The following CSDE1 variants were observed in gnomAD, a reference collection of about 807,000 sequenced individuals.
CSDE1 encodes the protein cold shock domain containing E1, also known as cold shock domain-containing protein E1.
Under a neutral mutation model 89.3 loss-of-function variants are expected in CSDE1, and 17 were observed. The observed-to-expected ratio is 0.19, with a 90% CI of 0.13 to 0.29. The LOEUF (loss-of-function observed/expected upper bound fraction) is 0.29, where lower values mean the gene tolerates loss of function less well. Among genes scored for constraint, CSDE1 ranks in the 10% least tolerant of loss-of-function variants. The probability of loss-of-function intolerance (pLI) is 1.00; values close to 1 mark genes in which losing one functional copy is unlikely to be tolerated. For synonymous variants in CSDE1, 322 were observed against 332.8 expected, an observed-to-expected ratio of 0.97 and a Z score of 0.35; for missense variants, 672 against 984.2, an observed-to-expected ratio of 0.68 and a Z score of 4.24.
At chr1:114,738,514 C>G (rs1425730270) in intron 3 of CSDE1, among the ~76,000 whole-genome samples, 1 of 152,026 alleles carries the variant, frequency 6.6e-6, no homozygotes, top group Non-Finnish European at 1.5e-5. Context: ...CCTAACAGGA[C>G]TGCCATGAGG....
intron 13 of CSDE1, 121 bp downstream of exon 13, chr1:114,726,862 T>C (rs1219245183): frequency 4.8e-6 from 3 of 621,254 alleles, no homozygotes; most frequent in Non-Finnish European, 8.4e-6. Flanking sequence ...ATTCATGTAT[T>C]TCTCTTAAAC....
chr1:114,750,832 C>G (rs1421501316), intron 1 of CSDE1, among the ~76,000 whole-genome samples: 1 of 152,208 alleles, frequency 6.6e-6, no homozygotes, highest in Non-Finnish European at 1.5e-5. Flanking sequence ...GCACATAAGT[C>G]AAGCGAGAAT....
chr1:114,747,879 C>G (rs1167204195), intron 2 of CSDE1, among the ~76,000 whole-genome samples: 1 of 151,780 alleles, frequency 6.6e-6, no homozygotes, highest in Non-Finnish European at 1.5e-5. Context: ...AAAAAAAAAT[C>G]TAATCTTTTA....
chr1:114,727,274 A>G (rs1659848017), intron 12 of CSDE1, among the ~76,000 whole-genome samples, 184 bp from the exon 13 acceptor site: 1 of 152,216 alleles, frequency 6.6e-6, no homozygotes, highest in South Asian at 2.1e-4. Context: ...AGCCTAGCTC[A>G]GTCTGCTGTA....
intron 1 of CSDE1, among the ~76,000 whole-genome samples, chr1:114,756,569 T>A (rs1661609821): frequency 6.6e-6 from 1 of 152,200 alleles, no homozygotes; most frequent in South Asian, 2.1e-4. Flanking sequence ...GGGCTATAAT[T>A]TGAAACCTAC....
chr1:114,724,205 C>T (rs1009122295), intron 15 of CSDE1: 2 of 373,890 alleles, frequency 5.3e-6, no homozygotes, highest in African/African-American at 4.2e-5. Context: ...AAAATGCCTG[C>T]TTTTCCTAAA....
At chr1:114,733,647 AATAAG>A in intron 9 of CSDE1, 80 bp downstream of exon 9, 1 of 1,247,650 alleles carries the variant, frequency 8.0e-7, no homozygotes, top group Non-Finnish European at 1.1e-6. Context: ...ATATTAACTG[AATAAG>A]ATAAAATCTC....
chr1:114,740,179 A>G (rs916070548), intron 2 of CSDE1, among the ~76,000 whole-genome samples: 3 of 152,172 alleles, frequency 2.0e-5, no homozygotes, highest in Non-Finnish European at 4.4e-5. Flanking sequence ...ACATTAGCAA[A>G]TGCTGCCTTT....
rs749198304 is a variant in CSDE1 at position 114,734,003 on chromosome 1, T to C, written c.697A>G (p.Ile233Val). The change falls in exon 8 of 20, where the codon ATC becomes GTC. Residue 233 changes from isoleucine to valine, a missense_variant. By Grantham distance (29) the Ile-to-Val change is conservative. Around this residue, in one of 8 missense-constraint regions of CSDE1, gnomAD observed 169 missense variants for 262.9 expected, o/e 0.64. Transcript: ENST00000358528. ...GACTGTCTTACATTTCTGTCCTTGA[T>C]TGTGAATTCCACATCATCGCCAGGC... ...LQPGDDVEFT[I>V]KDRNGKEVAT... 3.8e-5 allele frequency: 61 copies of C among 1,612,804 alleles called. No homozygotes were observed. The highest frequency in any genetic ancestry group is 2.6e-5 in the Non-Finnish European group (31 of 1,179,790).
At chr1:114,719,776 A>G (rs201090294) in intron 17 of CSDE1, 34 bp from the exon 18 acceptor site, 305 of 1,591,470 alleles carry the variant, frequency 1.9e-4, no homozygotes, top group Non-Finnish European at 2.1e-4. Flanking sequence ...AAGAGAGGGC[A>G]TGCCACACCT....
At chr1:114,752,013 C>T (rs1661335097) in intron 1 of CSDE1, among the ~76,000 whole-genome samples, 1 of 152,164 alleles carries the variant, frequency 6.6e-6, no homozygotes, top group African/African-American at 2.4e-5. Flanking sequence ...GCCTGTAATC[C>T]CAGCACTTTG....
At chr1:114,745,643 C>A (rs1202270563) in intron 2 of CSDE1, among the ~76,000 whole-genome samples, 1 of 152,212 alleles carries the variant, frequency 6.6e-6, no homozygotes, top group Non-Finnish European at 1.5e-5. Context: ...TTAGGTTCTA[C>A]TCATATAGTA....
Position 114,730,516 on chromosome 1 carries a change from C to T in CSDE1, c.1183G>A (p.Val395Met). 1 of 1,614,106 alleles carries T rather than the reference C, an allele frequency of 6.2e-7. No homozygotes were observed. Among genetic ancestry groups the T allele is most frequent in the Non-Finnish European group, 8.5e-7 (1 of 1,180,008 alleles). ...TCTCAGAAACAACTCACAGGAACCA[C>T]AGTAAACTCTACTTCATCTGCAATA... ...LHIADEVEFT[V>M]VPDMLSAQRN... The change falls in exon 11 of 20, where the codon GTG becomes ATG. Residue 395 changes from valine to methionine, a missense_variant. By Grantham distance (21) the Val-to-Met change is conservative. This residue lies in a region of CSDE1 where 169 missense variants were observed against 262.9 expected (regional missense o/e 0.64). Coordinates refer to ENST00000358528, the MANE Select transcript of CSDE1 (RefSeq NM_001007553.3).
chr1:114,717,349 C>G lies in CSDE1; in HGVS notation c.*820G>C, dbSNP rs1312138090. On this transcript the variant is annotated 3_prime_UTR_variant, in exon 20 of 20. Transcript: ENST00000358528. ...TTGTTTTTAAATCAGTAAAAGAAAC[C>G]GGGTCCTAGAAGCTGCAGTGATCTA... 2 of 152,314 alleles carry G rather than the reference C, an allele frequency of 1.3e-5. No homozygotes were observed. The highest frequency in any genetic ancestry group is 2.9e-5 in the Non-Finnish European group (2 of 67,996). 9.4% of individuals were successfully genotyped at this position (152,314 alleles called of 1,614,324 possible). A position where few individuals can be genotyped will look rare whatever the true frequency, so the allele number is the denominator to read the frequency against.
At chr1:114,757,872 G>C (rs555435569) in intron 1 of CSDE1, 53 bp downstream of exon 1, 1 of 152,824 alleles carries the variant, frequency 6.5e-6, no homozygotes, top group East Asian at 1.9e-4. Flanking sequence ...CTTATTCTCA[G>C]CCCTTCCCCT....
At position 114,718,755 on chromosome 1, in the gene CSDE1, A is replaced by C. The variant is rs1230367943; in HGVS notation, c.2217-10T>G. On this transcript the variant is annotated splice_polypyrimidine_tract_variant and intron_variant, in intron 18 of 19. Transcript: ENST00000358528. ...AGCCTTGGGGCCCTCACTGTAATTAAGTCAAAAGATGAGAAGAAACCACAC... is the reference window on the plus strand; with the variant it reads ...AGCCTTGGGGCCCTCACTGTAATTACGTCAAAAGATGAGAAGAAACCACAC... 5 of 1,612,980 alleles carry C rather than the reference A, an allele frequency of 3.1e-6. No individual in the cohort carries two copies. Among genetic ancestry groups the C allele is most frequent in the Admixed American group, 3.3e-5 (2 of 59,710 alleles).
intron 5 of CSDE1, 98 bp from the exon 6 acceptor site, chr1:114,736,953 A>G: frequency 1.2e-6 from 1 of 858,418 alleles, no homozygotes; most frequent in Non-Finnish European, 1.8e-6. Context: ...TGGCATTTTA[A>G]GCCAAATTTC....
At position 114,730,415 on chromosome 1, in the gene CSDE1, A is replaced by G. The variant is rs900470766; in HGVS notation, c.1199T>C (p.Leu400Pro). ...AATAGCATGATTTCTTTGAGCAGAG[A>G]GCATATCCTAAAAATGATAAAACAA... ...EVEFTVVPDM[L>P]SAQRNHAIRI... Residue 400 changes from leucine to proline, a missense_variant, in exon 12 of 20, where the codon CTC (leucine) becomes CCC (proline). Leu to Pro is a moderately conservative substitution (Grantham distance 98, BLOSUM62 -3). Around this residue, in one of 8 missense-constraint regions of CSDE1, gnomAD observed 169 missense variants for 262.9 expected, o/e 0.64. Coordinates refer to ENST00000358528, the MANE Select transcript of CSDE1 (RefSeq NM_001007553.3). 4.3e-6 allele frequency: 7 copies of G among 1,612,850 alleles called. No individual in the cohort carries two copies. The highest frequency in any genetic ancestry group is 5.9e-6 in the Non-Finnish European group (7 of 1,179,688).
chr1:114,733,042 A>G (rs1660190392), intron 9 of CSDE1, among the ~76,000 whole-genome samples: 1 of 152,122 alleles, frequency 6.6e-6, no homozygotes, highest in African/African-American at 2.4e-5. Context: ...TCTGGTACCA[A>G]AAGATTTTAT....
Sources: allele counts gnomAD v4.1 joint callset (sites outside exome capture counted in the v4.1 genomes callset), GRCh38; gene constraint gnomAD v4.1.1; regional missense constraint gnomAD v4.1.1; transcripts MANE v1.5; gene names NCBI Gene and HGNC (gene_info 2026-07-23, HGNC 2026-07-21).